Variants in ST7 observed in about 807,000 individuals in gnomAD.
ST7 encodes the protein suppression of tumorigenicity 7, also known as suppressor of tumorigenicity 7 protein.
Under a neutral mutation model 78.7 loss-of-function variants are expected in ST7, and 28 were observed. That is an observed-to-expected ratio of 0.36 (90% CI 0.26 to 0.49). ST7 has a LOEUF of 0.49. Ranked by LOEUF, ST7 falls within the 20% of genes least tolerant of loss-of-function variation. The pLI is 0.99. For missense variants in ST7, 418 were observed against 696.0 expected (o/e 0.60, Z 4.49); for synonymous variants, 247 against 249.6 (o/e 0.99, Z 0.10).
intron 9 of ST7, among the ~76,000 whole-genome samples, chr7:117,152,202 T>TATATAC (rs1806334832): frequency 2.6e-5 from 2 of 76,208 alleles, no homozygotes; most frequent in African/African-American, 1.0e-4. Context: ...TATATATATA[T>TATATAC]ATATATATAT....
chr7:117,042,588 A>C (rs1163213394), intron 1 of ST7, among the ~76,000 whole-genome samples: 1 of 152,142 alleles, frequency 6.6e-6, no homozygotes, highest in African/African-American at 2.4e-5. Context: ...AATTCCAAAC[A>C]CGGTGGCATG....
intron 12 of ST7, among the ~76,000 whole-genome samples, chr7:117,197,899 G>A (rs1045504386): frequency 1.3e-5 from 2 of 152,060 alleles, no homozygotes; most frequent in Non-Finnish European, 2.9e-5. Context: ...GCCTGGCAAC[G>A]TAGTGAGACC....
At chr7:117,054,660 T>G (rs1374410945) in intron 1 of ST7, among the ~76,000 whole-genome samples, 1 of 152,192 alleles carries the variant, frequency 6.6e-6, no homozygotes, top group African/African-American at 2.4e-5. Context: ...TATTTGGTAA[T>G]ATGACAAATA....
chr7:117,060,084 A>C lies in ST7; in HGVS notation c.152-39678A>C, dbSNP rs1005596082. On this transcript the variant is annotated intron_variant, in intron 1 of 15. Coordinates refer to ENST00000323984, the MANE Select transcript of ST7 (RefSeq NM_001369598.1). ...CACCATTTTTAGGATTTGTCTGATT[A>C]GCTTTTAAAATTTTGTTCTGGATTT... 2.6e-5 allele frequency among the ~76,000 whole-genome samples: 4 copies of C among 152,158 alleles called. No individual in the cohort carries two copies. The South Asian group carries it at 8.3e-4, about 31-fold the overall frequency.
intron 1 of ST7, among the ~76,000 whole-genome samples, chr7:116,962,577 A>G (rs1180742069): frequency 6.6e-6 from 1 of 152,192 alleles, no homozygotes; most frequent in East Asian, 1.9e-4. Flanking sequence ...GGCCACATAA[A>G]TGTCTTCTTT....
At chr7:117,089,252 G>A (rs1277925062) in intron 1 of ST7, among the ~76,000 whole-genome samples, 4 of 152,174 alleles carry the variant, frequency 2.6e-5, no homozygotes, top group Non-Finnish European at 5.9e-5. Flanking sequence ...TAAGAACTAT[G>A]TATATATCAT....
At chr7:117,028,409 A>G (rs1420691330) in intron 1 of ST7, among the ~76,000 whole-genome samples, 1 of 152,130 alleles carries the variant, frequency 6.6e-6, no homozygotes, top group Non-Finnish European at 1.5e-5. Context: ...CCCGATTGTA[A>G]AGCGTATAGA....
At chr7:117,081,142 T>C (rs1799742547) in intron 1 of ST7, 1 of 152,064 alleles carries the variant, frequency 6.6e-6, no homozygotes, top group Admixed American at 6.6e-5. Flanking sequence ...AACTTGAAAA[T>C]ATAAAAGGGT....
intron 1 of ST7, among the ~76,000 whole-genome samples, chr7:117,070,209 T>C (rs1237263427): frequency 6.6e-6 from 1 of 152,216 alleles, no homozygotes; most frequent in Non-Finnish European, 1.5e-5. Flanking sequence ...CTTTCTACTC[T>C]GAGTGTTGTG....
At chr7:117,055,377 T>C (rs937761660) in intron 1 of ST7, among the ~76,000 whole-genome samples, 1 of 152,118 alleles carries the variant, frequency 6.6e-6, no homozygotes, top group Non-Finnish European at 1.5e-5. Context: ...TAATTTTTTG[T>C]ATTTTTAGTA....
chr7:117,014,695 C>T (rs971878181), intron 1 of ST7, among the ~76,000 whole-genome samples: 2 of 152,058 alleles, frequency 1.3e-5, no homozygotes, highest in African/African-American at 4.8e-5. Flanking sequence ...TATTTTTTCT[C>T]TTATTTAGAG....
At chr7:117,094,078 G>A (rs1296085820) in intron 1 of ST7, among the ~76,000 whole-genome samples, 1 of 152,184 alleles carries the variant, frequency 6.6e-6, no homozygotes, top group African/African-American at 2.4e-5. Context: ...CTGATTTTTA[G>A]AAGTGCTATT....
chr7:117,127,159 T>C (rs930886542), intron 3 of ST7, among the ~76,000 whole-genome samples: 11 of 152,012 alleles, frequency 7.2e-5, no homozygotes, highest in Admixed American at 6.6e-4. Flanking sequence ...AAATTCCTTT[T>C]TGGAGGTAAA....
intron 1 of ST7, among the ~76,000 whole-genome samples, chr7:117,066,894 CA>C (rs1798666909): frequency 6.6e-6 from 1 of 151,862 alleles, no homozygotes; most frequent in African/African-American, 2.4e-5. Flanking sequence ...TACCCATTAG[CA>C]GTTACTTTCC....
At chr7:117,005,214 ATAT>A (rs1429378059) in intron 1 of ST7, among the ~76,000 whole-genome samples, 3 of 152,186 alleles carry the variant, frequency 2.0e-5, no homozygotes, top group African/African-American at 7.2e-5. Context: ...ATATTTTATA[ATAT>A]TGACAAAAAT....
At chr7:116,997,406 A>T (rs1794717791) in intron 1 of ST7, among the ~76,000 whole-genome samples, 1 of 152,202 alleles carries the variant, frequency 6.6e-6, no homozygotes, top group Admixed American at 6.5e-5. Context: ...CTGTTTTGAC[A>T]GGTTGCTGAT....
At chr7:116,958,727 G>C in intron 1 of ST7, 2 of 470,490 alleles carry the variant, frequency 4.3e-6, no homozygotes, top group Non-Finnish European at 8.8e-6. Context: ...GCATATAAAA[G>C]TTATAGTCAC....
At chr7:117,192,115 A>G (rs1217300859) in intron 12 of ST7, among the ~76,000 whole-genome samples, 1 of 152,224 alleles carries the variant, frequency 6.6e-6, no homozygotes, top group Admixed American at 6.5e-5. Flanking sequence ...TGTATTGTCC[A>G]TATGGTGCTA....
At chr7:117,161,175 G>A (rs1481074266) in intron 9 of ST7, among the ~76,000 whole-genome samples, 1 of 150,352 alleles carries the variant, frequency 6.7e-6, no homozygotes, top group Non-Finnish European at 1.5e-5. Flanking sequence ...AAATAATTTT[G>A]CCTCAAAAGG....
Sources: allele counts gnomAD v4.1 joint callset (sites outside exome capture counted in the v4.1 genomes callset), GRCh38; gene constraint gnomAD v4.1.1; transcripts MANE v1.5; gene names NCBI Gene and HGNC (gene_info 2026-07-23, HGNC 2026-07-21).